The following ERLEC1 variants were observed in gnomAD, a reference collection of about 807,000 sequenced individuals.
ERLEC1 encodes endoplasmic reticulum lectin 1.
In ERLEC1, 47 loss-of-function variants were observed where a neutral mutation model predicts 68.0. The ratio of observed to expected loss-of-function variants is 0.69; its 90% CI spans 0.55 to 0.88. ERLEC1 has a LOEUF of 0.88. Ranked by LOEUF, ERLEC1 falls within the 40% of genes least tolerant of loss-of-function variation. ERLEC1 has a pLI of 0.00. For missense variants in ERLEC1, 567 were observed against 583.8 expected, an observed-to-expected ratio of 0.97 and a Z score of 0.30; for synonymous variants, 225 against 203.2, an observed-to-expected ratio of 1.11 and a Z score of -0.91.
rs768845806 is a variant in ERLEC1, at chr2:53,797,814, A to G, written c.490+19A>G. On this transcript the variant is annotated intron_variant, in intron 5 of 13. Coordinates refer to ENST00000185150, the MANE Select transcript of ERLEC1 (RefSeq NM_015701.5). ...GAAAAAGGTTGGTGTCTACCCAGTG[A>G]TTTGACAGTAATGCTGGAATTTGGT... 48 of 1,595,636 alleles carry G rather than the reference A, an allele frequency of 3.0e-5. No individual in the cohort carries two copies. Among genetic ancestry groups the G allele is most frequent in the Non-Finnish European group, 4.1e-5 (48 of 1,165,872 alleles).
In ERLEC1 at chr2:53,789,528, G is replaced by A. The variant is rs1312636261; in HGVS notation, c.162+2156G>A. Among the ~76,000 whole-genome samples, 10 of 152,090 alleles carry A rather than the reference G, an allele frequency of 6.6e-5. No individual in the cohort carries two copies. In the South Asian group the frequency reaches 1.5e-3, roughly 22 times the overall value. ...CTTCTGCCTCAGCCTCCTGAACAGC[G>A]AGGACTACAGGTGGTCACCATTGCA... On this transcript the variant is annotated intron_variant, in intron 1 of 13. Transcript: ENST00000185150.
chr2:53,818,555 A>G lies in ERLEC1; in HGVS notation c.*586A>G, dbSNP rs1160097183. On this transcript the variant is annotated 3_prime_UTR_variant, in exon 14 of 14. Coordinates refer to ENST00000185150, the MANE Select transcript of ERLEC1 (RefSeq NM_015701.5). ...TGTTAATCTCAAGAAACTCTTATTT[A>G]TAATAGGTTGCTTCTCTCTCAGAAC... is the stretch of plus-strand genomic sequence containing the variant. The G allele has an allele frequency of 1.3e-5, 2 of 152,210 alleles. No individual in the cohort carries two copies. The highest frequency in any genetic ancestry group is 6.5e-5 in the Admixed American group (1 of 15,280). 9.4% of individuals were successfully genotyped at this position (152,210 alleles called of 1,614,324 possible). A position where few individuals can be genotyped will look rare whatever the true frequency, so the allele number is the denominator to read the frequency against.
chr2:53,787,659 C>T (rs534525473), intron 1 of ERLEC1: 1 of 341,368 alleles, frequency 2.9e-6, no homozygotes, highest in South Asian at 1.2e-4. Context: ...GCAGAAGCAG[C>T]TTTCGTAGAA....
intron 8 of ERLEC1, among the ~76,000 whole-genome samples, chr2:53,803,636 G>A (rs1053952441): frequency 7.9e-5 from 12 of 151,372 alleles, no homozygotes; most frequent in East Asian, 1.9e-4. Context: ...TATAAAAGTC[G>A]TGCTAGCATA....
chr2:53,809,552 T>A (rs1398468472), intron 10 of ERLEC1, among the ~76,000 whole-genome samples: 1 of 152,170 alleles, frequency 6.6e-6, no homozygotes, highest in Non-Finnish European at 1.5e-5. Flanking sequence ...TTTGCTTTGA[T>A]CAAGAAATTA....
intron 1 of ERLEC1, among the ~76,000 whole-genome samples, chr2:53,793,249 G>A (rs1675507312): frequency 6.6e-6 from 1 of 152,146 alleles, no homozygotes; most frequent in South Asian, 2.1e-4. Flanking sequence ...AATAATATCT[G>A]TTGTATTAAT....
At position 53,801,491 on chromosome 2, in the gene ERLEC1, G is replaced by A. The variant is rs1283017731; in HGVS notation, c.620G>A (p.Arg207Lys). ...TGTAGTTTGAAACAGAACCGGCCCA[G>A]ATCAAGTACTGTGATGTACATATGT... The part of the protein sequence containing the change: ...TPCSLKQNRP[R>K]SSTVMYICHP... The change falls in exon 7 of 14, where the codon AGA becomes AAA. Residue 207 changes from arginine (R) to lysine (K), a missense_variant. Coordinates refer to ENST00000185150, the MANE Select transcript of ERLEC1 (RefSeq NM_015701.5). The A allele has an allele frequency of 1.9e-6, 3 of 1,613,884 alleles. No individual in the cohort carries two copies. Among genetic ancestry groups the A allele is most frequent in the Non-Finnish European group, 2.5e-6 (3 of 1,179,974 alleles).
At chr2:53,817,198 A>G (rs762282631) in intron 13 of ERLEC1, among the ~76,000 whole-genome samples, 7 of 151,388 alleles carry the variant, frequency 4.6e-5, no homozygotes, top group East Asian at 1.9e-4. Flanking sequence ...CAGTAGCGCA[A>G]TCTTGGCTCA....
chr2:53,799,231 A>G (rs987048127), intron 6 of ERLEC1, 150 bp downstream of exon 6: 2 of 651,194 alleles, frequency 3.1e-6, no homozygotes, highest in Non-Finnish European at 5.2e-6. Flanking sequence ...TCTTTGCAGT[A>G]TATTCCTTTT....
Position 53,796,889 on chromosome 2 carries a change from C to CTT in ERLEC1, c.349-607_349-606dup, listed in dbSNP as rs958244464. On this transcript the variant is annotated intron_variant, in intron 3 of 13. Transcript: ENST00000185150. ...CAGTTCAAAATAAAGTTTTCTTTTT[C>CTT]TTTTTTTTTTTTTTTTTTTTGAGAC... Among the ~76,000 whole-genome samples the CTT allele has an allele frequency of 1.9e-3, 223 of 117,204 alleles. 1 individual carries two copies. The highest frequency in any genetic ancestry group is 3.0e-3 in the South Asian group (10 of 3,360). 76.9% of individuals were successfully genotyped at this position (117,204 alleles called of 152,430 possible). A position where few individuals can be genotyped will look rare whatever the true frequency, so the allele number is the denominator to read the frequency against.
At chr2:53,796,651 T>C (rs985242624) in intron 3 of ERLEC1, among the ~76,000 whole-genome samples, 3 of 151,958 alleles carry the variant, frequency 2.0e-5, no homozygotes, top group African/African-American at 7.3e-5. Flanking sequence ...TTTTTCACAG[T>C]GTTGCCCAGA....
chr2:53,806,979 T>C (rs542330968), intron 8 of ERLEC1, among the ~76,000 whole-genome samples: 1 of 152,314 alleles, frequency 6.6e-6, no homozygotes, highest in South Asian at 2.1e-4. Context: ...TCTTCATCTC[T>C]CACCTGGGTT....
intron 1 of ERLEC1, 141 bp downstream of exon 1, chr2:53,787,513 C>A: frequency 1.0e-6 from 1 of 980,478 alleles, no homozygotes; most frequent in Non-Finnish European, 1.4e-6. Flanking sequence ...TGCTTTTATG[C>A]AGCGTTCATT....
chr2:53,800,529 C>G (rs1675949072), intron 6 of ERLEC1, among the ~76,000 whole-genome samples: 1 of 152,000 alleles, frequency 6.6e-6, no homozygotes, highest in South Asian at 2.1e-4. Flanking sequence ...ATAAGGAAAT[C>G]TCAAAACATT....
intron 1 of ERLEC1, among the ~76,000 whole-genome samples, chr2:53,793,238 A>G (rs1015863173): frequency 6.6e-6 from 1 of 152,196 alleles, no homozygotes; most frequent in African/African-American, 2.4e-5. Context: ...GTTTTTACTA[A>G]AATAATATCT....
At chr2:53,799,197 A>G in intron 6 of ERLEC1, 116 bp downstream of exon 6, 2 of 822,906 alleles carry the variant, frequency 2.4e-6, no homozygotes, top group Non-Finnish European at 3.8e-6. Context: ...TCTATCAAAT[A>G]CCTTGAAGGA....
chr2:53,787,625 C>A (rs1353152267), intron 1 of ERLEC1: 8 of 392,608 alleles, frequency 2.0e-5, no homozygotes, highest in South Asian at 1.0e-4. Context: ...CGCACTAGAC[C>A]TTGCTTCCCA....
rs1246211731 is a variant in ERLEC1 at position 53,817,952 on chromosome 2, C to A, written c.1435C>A (p.Leu479Ile). 2 of 1,582,788 alleles carry A rather than the reference C, an allele frequency of 1.3e-6. No homozygotes were observed. Among genetic ancestry groups the A allele is most frequent in the South Asian group, 1.1e-5 (1 of 90,400 alleles). ...ILDTADENGL[L>I]SLPN ...AGATACAGCAGATGAAAATGGACTTCTTTCTCTCCCCAACTAAAGGATATT... is the reference window on the plus strand; with the variant it reads ...AGATACAGCAGATGAAAATGGACTTATTTCTCTCCCCAACTAAAGGATATT... The change falls in exon 14 of 14, where the codon CTT becomes ATT. Residue 479 changes from leucine to isoleucine, a missense_variant. By Grantham distance (5) the Leu-to-Ile change is conservative. Coordinates refer to ENST00000185150, the MANE Select transcript of ERLEC1 (RefSeq NM_015701.5).
chr2:53,809,464 G>A (rs945213640), intron 10 of ERLEC1, among the ~76,000 whole-genome samples, 191 bp downstream of exon 10: 3 of 152,186 alleles, frequency 2.0e-5, no homozygotes, highest in African/African-American at 4.8e-5. Context: ...ACCTTAAAGT[G>A]ATATTGCTTA....
Sources: allele counts gnomAD v4.1 joint callset (sites outside exome capture counted in the v4.1 genomes callset), GRCh38; gene constraint gnomAD v4.1.1; transcripts MANE v1.5; gene names NCBI Gene and HGNC (gene_info 2026-07-23, HGNC 2026-07-21).